The following PLS3 variants were observed in gnomAD, a reference collection of about 807,000 sequenced individuals.
PLS3 encodes the protein plastin 3, also known as plastin-3.
Under a neutral mutation model 46.5 loss-of-function variants are expected in PLS3, and 11 were observed. That is an observed-to-expected ratio of 0.24 (90% confidence interval 0.15 to 0.39). The LOEUF (loss-of-function observed/expected upper bound fraction) is 0.39, where lower values mean the gene tolerates loss of function less well. Ranked by LOEUF, PLS3 falls within the 10% of genes least tolerant of loss-of-function variation. The probability of loss-of-function intolerance (pLI) is 1.00; values close to 1 mark genes in which losing one functional copy is unlikely to be tolerated. For missense variants in PLS3, 308 were observed against 461.8 expected (o/e 0.67, Z 3.05); for synonymous variants, 167 against 162.2 (o/e 1.03, Z -0.22).
At chrX:115,630,388 C>A (rs1489564507) in intron 5 of PLS3, among the ~76,000 whole-genome samples, 1 of 110,747 alleles carries the variant, frequency 9.0e-6, no homozygotes, top group Non-Finnish European at 1.9e-5. Flanking sequence ...GCAGACATAA[C>A]ACAACATTAT....
At chrX:115,643,241 C>G (rs1388159191) in intron 9 of PLS3, 72 bp from the exon 10 acceptor site, 16 of 646,768 alleles carry the variant, frequency 2.5e-5, no homozygotes, top group Non-Finnish European at 3.8e-5. Flanking sequence ...TATACCCAGA[C>G]TATGACAGTG....
Position 115,649,644 on chromosome X carries a change from T to A in PLS3, c.*83T>A. On this transcript the variant is annotated 3_prime_UTR_variant, in exon 16 of 16. Transcript: ENST00000355899. ...ATTTCCAGGTGAAGTGCTTATGGCT[T>A]AAGGAACTCTTGGCCATTCAAAGGA... 1 of 900,105 alleles carries A rather than the reference T, an allele frequency of 1.1e-6. No homozygotes were observed. Among genetic ancestry groups the A allele is most frequent in the Non-Finnish European group, 1.5e-6 (1 of 645,606 alleles). 74.2% of individuals were successfully genotyped at this position (900,105 alleles called of 1,213,427 possible).
At position 115,566,677 on chromosome X, in the gene PLS3, C is replaced by CGTTTT. The variant is rs781786486; in HGVS notation, c.-9+5434_-9+5438dup. ...CAGGCGTGAGCCACCGCGCCCGGCC[C>CGTTTT]GTTTTGTTTTGTTTTGTTTTGAGAT... is the stretch of plus-strand genomic sequence containing the variant. On this transcript the variant is annotated intron_variant, in intron 1 of 15. Transcript: ENST00000355899. 1.7e-4 allele frequency among the ~76,000 whole-genome samples: 18 copies of CGTTTT among 105,063 alleles called. No homozygotes were observed. The South Asian group carries it at 1.7e-3, about 10-fold the overall frequency. 91.2% of individuals were successfully genotyped at this position (105,063 alleles called of 115,157 possible).
At chrX:115,610,935 A>G in intron 2 of PLS3, 1 of 860,490 alleles carries the variant, frequency 1.2e-6, no homozygotes, top group Non-Finnish European at 1.7e-6. Flanking sequence ...AATATGGAGT[A>G]TTTACATTCC....
chrX:115,637,327 G>A (rs1256554960), intron 8 of PLS3, among the ~76,000 whole-genome samples: 2 of 111,100 alleles, frequency 1.8e-5, no homozygotes, highest in Non-Finnish European at 3.8e-5. Flanking sequence ...ACCTAGAAGA[G>A]ATAGGAAGGG....
chrX:115,610,506 G>A (rs1556635984), intron 2 of PLS3, among the ~76,000 whole-genome samples, 183 bp downstream of exon 2: 1 of 105,155 alleles, frequency 9.5e-6, no homozygotes, highest in East Asian at 2.9e-4. Context: ...TTTTTTGGTC[G>A]AGTGGTAGCT....
rs1282168158 is a variant in PLS3, at chrX:115,650,253, G to T, written c.*692G>T. On this transcript the variant is annotated 3_prime_UTR_variant, in exon 16 of 16. Transcript: ENST00000355899. ...AGTAAAACATACATCGTAGCTAGAA[G>T]AAAAATGTACCTTAAATTTGCATCT... The T allele has an allele frequency of 9.0e-6, 1 of 111,640 alleles. No homozygotes were observed. Among genetic ancestry groups the T allele is most frequent in the East Asian group, 2.8e-4 (1 of 3,577 alleles). The allele number at this position is 111,640 out of a possible 1,213,427, so 9.2% of individuals were successfully genotyped here. A position where few individuals can be genotyped will look rare whatever the true frequency, so the allele number is the denominator to read the frequency against.
intron 9 of PLS3, among the ~76,000 whole-genome samples, chrX:115,641,798 T>G (rs1434919880): frequency 1.8e-5 from 2 of 110,424 alleles, no homozygotes; most frequent in East Asian, 5.8e-4. Flanking sequence ...CTCTTTTGTC[T>G]CTTCCCTCTT....
chrX:115,647,173 G>A (rs139648617), intron 13 of PLS3, among the ~76,000 whole-genome samples: 2,486 of 111,500 alleles, frequency 0.022, 35 homozygotes, highest in African/African-American at 0.048. Context: ...GGTGGCTCAC[G>A]CCTGTAATAC....
intron 13 of PLS3, 91 bp from the exon 14 acceptor site, chrX:115,647,459 A>G (rs1355465629): frequency 3.4e-6 from 3 of 889,787 alleles, no homozygotes; most frequent in Non-Finnish European, 4.8e-6. Flanking sequence ...AATTTAAGAA[A>G]TATAAAAAGT....
In PLS3 at chrX:115,584,836, A is replaced by C. The variant is rs782774234; in HGVS notation, c.-9+23576A>C. Among the ~76,000 whole-genome samples the C allele has an allele frequency of 5.3e-5, 6 of 112,252 alleles. No individual in the cohort carries two copies. In the South Asian group the frequency reaches 2.3e-3, roughly 42 times the overall value. On this transcript the variant is annotated intron_variant, in intron 1 of 15. Coordinates refer to ENST00000355899, the MANE Select transcript of PLS3 (RefSeq NM_005032.7). Reference sequence around the variant, plus strand: ...TTATTTTTGCCTATGTGAGTAGTACAAGAGCTGACTCAAAGGAGATGACAT... The same window carrying C: ...TTATTTTTGCCTATGTGAGTAGTACCAGAGCTGACTCAAAGGAGATGACAT...
chrX:115,618,287 T>A (rs2074615909), intron 2 of PLS3, among the ~76,000 whole-genome samples: 1 of 112,322 alleles, frequency 8.9e-6, no homozygotes, highest in Non-Finnish European at 1.9e-5. Flanking sequence ...TACTCCAGTC[T>A]AAACTAGAGT....
At chrX:115,571,839 T>C (rs2074218551) in intron 1 of PLS3, among the ~76,000 whole-genome samples, 1 of 112,008 alleles carries the variant, frequency 8.9e-6, no homozygotes, top group South Asian at 3.7e-4. Context: ...CCTTTAAAAA[T>C]GGCTGAATCT....
chrX:115,641,233 T>C (rs1426580052), intron 9 of PLS3, among the ~76,000 whole-genome samples: 1 of 99,945 alleles, frequency 1.0e-5, no homozygotes, highest in Non-Finnish European at 2.0e-5. Context: ...TTCTTTTTTT[T>C]TTTTTTTTTT....
At chrX:115,625,085 C>G (rs1237238727) in intron 3 of PLS3, among the ~76,000 whole-genome samples, 1 of 111,765 alleles carries the variant, frequency 8.9e-6, no homozygotes, top group Admixed American at 9.6e-5. Flanking sequence ...GCCTTGTCAT[C>G]AGTGAAACAT....
chrX:115,572,772 T>A (rs2147417825), intron 1 of PLS3, among the ~76,000 whole-genome samples: 1 of 111,681 alleles, frequency 9.0e-6, no homozygotes, highest in South Asian at 3.7e-4. Flanking sequence ...TTGGTTCTCA[T>A]GAAACCTAAA....
intron 1 of PLS3, among the ~76,000 whole-genome samples, chrX:115,573,793 T>TC (rs2074231699): frequency 9.0e-6 from 1 of 110,846 alleles, no homozygotes; most frequent in African/African-American, 3.3e-5. Context: ...AACCTCCGCG[T>TC]CCCAGGTTCA....
intron 1 of PLS3, among the ~76,000 whole-genome samples, chrX:115,610,039 T>C: frequency 8.9e-6 from 1 of 112,220 alleles, no homozygotes; most frequent in Non-Finnish European, 1.9e-5. Flanking sequence ...AATTCAGAAA[T>C]ATTTTTTCTC....
intron 2 of PLS3, among the ~76,000 whole-genome samples, chrX:115,619,757 C>T (rs1372980164): frequency 8.9e-6 from 1 of 112,411 alleles, no homozygotes; most frequent in Admixed American, 9.4e-5. Flanking sequence ...CCTTTGGCCC[C>T]AGCCATGCCG....
Sources: allele counts gnomAD v4.1 joint callset (sites outside exome capture counted in the v4.1 genomes callset), GRCh38; gene constraint gnomAD v4.1.1; transcripts MANE v1.5; gene names NCBI Gene and HGNC (gene_info 2026-07-23, HGNC 2026-07-21).